PABPC4L: variants seen among roughly 807,000 people sequenced by gnomAD.
PABPC4L encodes poly(A) binding protein cytoplasmic 4 like.
For synonymous variants in PABPC4L, 169 were observed against 164.1 expected (o/e 1.03, Z -0.23); for missense variants, 452 against 451.4 (o/e 1.00, Z -0.01).
At chr4:133,964,411 C>T in the PABPC4L span, among the ~76,000 whole-genome samples, 1 of 151,784 alleles carries the variant, frequency 6.6e-6, no homozygotes, top group Non-Finnish European at 1.5e-5. Context: ...TGGTACCAAT[C>T]CTATTGACAC....
the PABPC4L span, among the ~76,000 whole-genome samples, chr4:134,009,999 GT>G: frequency 4.4e-3 from 671 of 152,050 alleles, 3 homozygotes; most frequent in African/African-American, 0.015. Flanking sequence ...GCTAATGACG[GT>G]ATAAAGACAG....
chr4:134,072,806 G>C, the PABPC4L span, among the ~76,000 whole-genome samples: 1 of 152,082 alleles, frequency 6.6e-6, no homozygotes, highest in African/African-American at 2.4e-5. Flanking sequence ...TTTTTCACAT[G>C]GTAGCAGAAG....
chr4:134,152,844 C>T, the PABPC4L span, among the ~76,000 whole-genome samples: 1 of 152,242 alleles, frequency 6.6e-6, no homozygotes, highest in African/African-American at 2.4e-5. Context: ...CAGAATTGCT[C>T]CTGGTGAGGG....
At chr4:134,090,248 T>A in the PABPC4L span, among the ~76,000 whole-genome samples, 1 of 152,260 alleles carries the variant, frequency 6.6e-6, no homozygotes, top group Non-Finnish European at 1.5e-5. Context: ...CTGTTACAAT[T>A]GCCTGAATAA....
the PABPC4L span, among the ~76,000 whole-genome samples, chr4:133,985,083 A>G: frequency 1.3e-5 from 2 of 151,970 alleles, no homozygotes; most frequent in African/African-American, 2.4e-5. Context: ...AAAACCAAAA[A>G]CAAATGAATA....
chr4:133,991,877 A>G, the PABPC4L span, among the ~76,000 whole-genome samples: 1 of 152,212 alleles, frequency 6.6e-6, no homozygotes, highest in African/African-American at 2.4e-5. Flanking sequence ...TCAGGTCACA[A>G]GTGTGGAGTT....
the PABPC4L span, among the ~76,000 whole-genome samples, chr4:134,124,084 G>A: frequency 6.6e-6 from 1 of 152,060 alleles, no homozygotes; most frequent in South Asian, 2.1e-4. Context: ...TAATTCTATG[G>A]TTGACCATCT....
At chr4:134,151,020 T>C in the PABPC4L span, among the ~76,000 whole-genome samples, 25 of 152,196 alleles carry the variant, frequency 1.6e-4, no homozygotes, top group African/African-American at 6.0e-4. Flanking sequence ...GTAAAGTGAC[T>C]GAAGTCAGAC....
chr4:134,059,581 C>T, the PABPC4L span, among the ~76,000 whole-genome samples: 1 of 150,856 alleles, frequency 6.6e-6, no homozygotes, highest in Non-Finnish European at 1.5e-5. Flanking sequence ...GAACATATGG[C>T]ACTGATGAAA....
chr4:134,174,291 T>TA, the PABPC4L span, among the ~76,000 whole-genome samples: 56 of 151,072 alleles, frequency 3.7e-4, no homozygotes, highest in Non-Finnish European at 7.1e-4. Flanking sequence ...CAGTTACCTT[T>TA]AAAAAAAAAT....
the PABPC4L span, among the ~76,000 whole-genome samples, chr4:134,124,683 G>C: frequency 2.0e-5 from 3 of 152,020 alleles, no homozygotes; most frequent in Non-Finnish European, 2.9e-5. Flanking sequence ...CCTTATCTAA[G>C]TTCAGTCATA....
chr4:134,108,906 C>T, the PABPC4L span, among the ~76,000 whole-genome samples: 1 of 151,836 alleles, frequency 6.6e-6, no homozygotes, highest in African/African-American at 2.4e-5. Flanking sequence ...ATAATGTGTT[C>T]AGAAGAAATC....
the PABPC4L span, among the ~76,000 whole-genome samples, chr4:134,107,182 T>G: frequency 1.8e-4 from 27 of 151,328 alleles, no homozygotes; most frequent in South Asian, 4.1e-4. Flanking sequence ...TACACAAAAT[T>G]CATAAATACA....
chr4:134,089,746 A>T, the PABPC4L span, among the ~76,000 whole-genome samples: 1 of 151,934 alleles, frequency 6.6e-6, no homozygotes, highest in Admixed American at 6.6e-5. Context: ...AGGAAGGTTG[A>T]CTTTTCTTTA....
the PABPC4L span, among the ~76,000 whole-genome samples, chr4:134,095,902 TC>T: frequency 5.1e-4 from 77 of 152,136 alleles, no homozygotes; most frequent in African/African-American, 1.8e-3. Context: ...AACTTCCAGA[TC>T]ACTCTGGCCA....
At chr4:134,001,480 T>C in the PABPC4L span, among the ~76,000 whole-genome samples, 1 of 152,088 alleles carries the variant, frequency 6.6e-6, no homozygotes, top group African/African-American at 2.4e-5. Flanking sequence ...ATCATAGTCA[T>C]GAGCAGGACT....
At chr4:133,990,322 T>C in the PABPC4L span, among the ~76,000 whole-genome samples, 1 of 152,326 alleles carries the variant, frequency 6.6e-6, no homozygotes, top group South Asian at 2.1e-4. Context: ...TTATACCTGT[T>C]ATGATTATCT....
chr4:134,008,812 C>T, the PABPC4L span, among the ~76,000 whole-genome samples: 5 of 151,744 alleles, frequency 3.3e-5, no homozygotes, highest in South Asian at 1.0e-3. Flanking sequence ...ATCTCAGTAT[C>T]TTGACAAAGG....
chr4:134,197,982 A>G lies in PABPC4L; in HGVS notation c.*1925T>C, dbSNP rs1225745041. On this transcript the variant is annotated 3_prime_UTR_variant, in exon 2 of 2. Transcript: ENST00000421491. Reference sequence around the variant, plus strand: ...TAAGAAAATAGATATATTTGCATATATAAGTTCGCAAGGATGTTAATCTCC... The same window carrying G: ...TAAGAAAATAGATATATTTGCATATGTAAGTTCGCAAGGATGTTAATCTCC... 1.3e-5 allele frequency: 2 copies of G among 151,818 alleles called. No homozygotes were observed. The highest frequency in any genetic ancestry group is 2.4e-5 in the African/African-American group (1 of 41,430). The allele number at this position is 151,818 out of a possible 1,614,324, so 9.4% of individuals were successfully genotyped here. A position where few individuals can be genotyped will look rare whatever the true frequency, so the allele number is the denominator to read the frequency against.
Sources: allele counts gnomAD v4.1 joint callset (sites outside exome capture counted in the v4.1 genomes callset), GRCh38; gene constraint gnomAD v4.1.1; transcripts MANE v1.5; gene names NCBI Gene and HGNC (gene_info 2026-07-23, HGNC 2026-07-21).